The following EDA variants were observed in gnomAD, a reference collection of about 807,000 sequenced individuals.
The protein encoded by EDA is ectodysplasin A.
Under a neutral mutation model 23.6 loss-of-function variants are expected in EDA, and 2 were observed. The ratio of observed to expected loss-of-function variants is 0.08; its 90% confidence interval spans 0.03 to 0.27. EDA has a LOEUF of 0.27. Ranked by LOEUF, EDA falls within the 10% of genes least tolerant of loss-of-function variation. EDA has a pLI of 1.00. For missense variants in EDA, 229 were observed against 324.2 expected (o/e 0.71, Z 2.26); for synonymous variants, 131 against 132.0 (o/e 0.99, Z 0.05).
chrX:69,873,401 G>C (rs1382934249), intron 1 of EDA, among the ~76,000 whole-genome samples: 1 of 111,795 alleles, frequency 8.9e-6, no homozygotes, highest in Non-Finnish European at 1.9e-5. Context: ...AAAGATTAGA[G>C]CAGAACTAAA....
chrX:69,858,634 G>GT, intron 1 of EDA, among the ~76,000 whole-genome samples: 1 of 111,733 alleles, frequency 8.9e-6, no homozygotes, highest in Non-Finnish European at 1.9e-5. Flanking sequence ...TCGTTTGCTG[G>GT]TATTTTGTTG....
intron 1 of EDA, among the ~76,000 whole-genome samples, chrX:69,719,891 A>G (rs1569307692): frequency 9.0e-6 from 1 of 110,498 alleles, no homozygotes; most frequent in East Asian, 2.9e-4. Context: ...CTGGGACTAC[A>G]GGTGTGCACC....
chrX:69,946,040 T>G (rs1436365903), intron 1 of EDA, among the ~76,000 whole-genome samples: 2 of 112,064 alleles, frequency 1.8e-5, no homozygotes, highest in Non-Finnish European at 3.8e-5. Context: ...TTGTCTAATC[T>G]CACAGTGGCT....
chrX:70,031,417 T>G (rs1198349682), intron 6 of EDA, among the ~76,000 whole-genome samples: 1 of 111,767 alleles, frequency 8.9e-6, no homozygotes, highest in East Asian at 2.8e-4. Context: ...AGAACAGCAC[T>G]TTGGAATAAT....
chrX:69,818,398 T>C (rs764861022), intron 1 of EDA, among the ~76,000 whole-genome samples: 1 of 111,179 alleles, frequency 9.0e-6, no homozygotes, highest in Non-Finnish European at 1.9e-5. Context: ...GATAGAGACA[T>C]GAAAAACCCT....
At chrX:69,850,055 C>G (rs1480791459) in intron 1 of EDA, among the ~76,000 whole-genome samples, 1 of 112,364 alleles carries the variant, frequency 8.9e-6, no homozygotes, top group Non-Finnish European at 1.9e-5. Context: ...AAGGCCATAT[C>G]TATACCTGAC....
rs73224448 is a variant in EDA, at chrX:69,638,689, C to T, written c.396+21985C>T. 5.2e-3 allele frequency among the ~76,000 whole-genome samples: 578 copies of T among 111,688 alleles called. 1 individual carries two copies. The highest frequency in any genetic ancestry group is 8.5e-3 in the Non-Finnish European group (451 of 53,022). ...GAGCAGTAATTTCTAGTTTCTGTACCGTAAGCCTATCATGTAGGTAAGATC... is the reference window on the plus strand; with the variant it reads ...GAGCAGTAATTTCTAGTTTCTGTACTGTAAGCCTATCATGTAGGTAAGATC... On this transcript the variant is annotated intron_variant, in intron 1 of 7. Transcript: ENST00000374552.
At chrX:69,837,870 G>A (rs1011901377) in intron 1 of EDA, among the ~76,000 whole-genome samples, 2 of 112,201 alleles carry the variant, frequency 1.8e-5, no homozygotes, top group African/African-American at 6.5e-5. Context: ...GGAGACCTGG[G>A]GACTCAAGAA....
At chrX:69,943,317 G>C (rs2018789097) in intron 1 of EDA, among the ~76,000 whole-genome samples, 1 of 111,412 alleles carries the variant, frequency 9.0e-6, no homozygotes, top group Non-Finnish European at 1.9e-5. Context: ...ATCCTTCTTG[G>C]GAGGGCTTTC....
At chrX:69,793,570 G>GTTTTTTTTTTTTTTTTTTTTTTTTTTTTT (rs67241807) in intron 1 of EDA, among the ~76,000 whole-genome samples, 2 of 58,760 alleles carry the variant, frequency 3.4e-5, no homozygotes, top group Non-Finnish European at 5.8e-5. Context: ...GTTTGTTTTT[G>GTTTTTTTTTTTTTTTTTTTTTTTTTTTTT]TTTTTTTTTT....
At chrX:69,803,388 A>G (rs1057167717) in intron 1 of EDA, among the ~76,000 whole-genome samples, 2 of 110,359 alleles carry the variant, frequency 1.8e-5, no homozygotes, top group Non-Finnish European at 3.8e-5. Context: ...AGTGTTTTTT[A>G]AAACTTAGGC....
intron 1 of EDA, among the ~76,000 whole-genome samples, chrX:69,665,520 G>C (rs980895641): frequency 9.0e-6 from 1 of 111,158 alleles, no homozygotes; most frequent in Admixed American, 9.6e-5. Flanking sequence ...TCTTTTGCAC[G>C]TGGAAATCCA....
At chrX:69,891,187 C>T (rs2017924368) in intron 1 of EDA, among the ~76,000 whole-genome samples, 1 of 112,080 alleles carries the variant, frequency 8.9e-6, no homozygotes, top group African/African-American at 3.2e-5. Context: ...TAGTGAGATA[C>T]CATCTCATGC....
At chrX:69,910,590 T>G (rs917849617) in intron 1 of EDA, among the ~76,000 whole-genome samples, 1 of 110,754 alleles carries the variant, frequency 9.0e-6, no homozygotes, top group Non-Finnish European at 1.9e-5. Context: ...GTTTGAACCT[T>G]AGCTTTCATC....
intron 1 of EDA, among the ~76,000 whole-genome samples, chrX:69,837,101 A>G (rs1405905521): frequency 8.9e-6 from 1 of 111,951 alleles, no homozygotes. Context: ...ATATTTTGAT[A>G]CAGGCATACC....
rs1465480059 is a variant in EDA, at chrX:69,857,209, C to T, written c.397-99818C>T. On this transcript the variant is annotated intron_variant, in intron 1 of 7. Coordinates refer to ENST00000374552, the MANE Select transcript of EDA (RefSeq NM_001399.5). ...GTATTTGGCTTTATTTCTGAGTTCT[C>T]TATTCTGTTCCATTAATCTATGTGC... is the stretch of plus-strand genomic sequence containing the variant. Among the ~76,000 whole-genome samples the T allele has an allele frequency of 2.7e-5, 3 of 111,850 alleles. No individual in the cohort carries two copies. The South Asian group carries it at 1.1e-3, about 41-fold the overall frequency.
At chrX:69,688,541 C>G (rs1034997000) in intron 1 of EDA, among the ~76,000 whole-genome samples, 2 of 111,185 alleles carry the variant, frequency 1.8e-5, no homozygotes, top group African/African-American at 3.3e-5. Flanking sequence ...GCTGAGATTA[C>G]AGGCATGCAC....
At chrX:69,980,772 T>A (rs896774095) in intron 2 of EDA, among the ~76,000 whole-genome samples, 8 of 112,357 alleles carry the variant, frequency 7.1e-5, no homozygotes, top group Non-Finnish European at 1.3e-4. Context: ...GAAGTGGAAG[T>A]TACTCTCATT....
At chrX:69,696,125 G>C (rs2011333810) in intron 1 of EDA, among the ~76,000 whole-genome samples, 1 of 110,257 alleles carries the variant, frequency 9.1e-6, no homozygotes, top group Non-Finnish European at 1.9e-5. Flanking sequence ...TGTAATCCCA[G>C]CTATTTGGGA....
Sources: allele counts gnomAD v4.1 joint callset (sites outside exome capture counted in the v4.1 genomes callset), GRCh38; gene constraint gnomAD v4.1.1; transcripts MANE v1.5; gene names NCBI Gene and HGNC (gene_info 2026-07-23, HGNC 2026-07-21).